Variants in TLN2 observed in about 807,000 individuals in gnomAD.
TLN2 encodes talin-2.
A neutral mutation model predicts 294.7 loss-of-function variants in TLN2; 118 were observed. That is an observed-to-expected ratio of 0.40 (90% confidence interval 0.34 to 0.47). TLN2 has a LOEUF of 0.47. Among genes scored for constraint, TLN2 ranks in the 20% least tolerant of loss-of-function variants. The pLI, the probability that TLN2 is intolerant of heterozygous loss-of-function variation, is 0.84. For missense variants in TLN2, 3,083 were observed against 3,282.2 expected, an observed-to-expected ratio of 0.94 and a Z score of 1.48; for synonymous variants, 1,431 against 1,304.5, an observed-to-expected ratio of 1.10 and a Z score of -2.09.
chr15:62,568,182 G>A (rs1012132101), intron 1 of TLN2, among the ~76,000 whole-genome samples: 4 of 152,160 alleles, frequency 2.6e-5, no homozygotes, highest in Non-Finnish European at 4.4e-5. Flanking sequence ...TTGTCCCAGT[G>A]TGGCTGGGGC....
chr15:62,765,121 T>C (rs1383842046), intron 40 of TLN2, among the ~76,000 whole-genome samples: 1 of 151,570 alleles, frequency 6.6e-6, no homozygotes, highest in South Asian at 2.1e-4. Flanking sequence ...TTTAATTGCA[T>C]GTGCTCCCTG....
intron 3 of TLN2, among the ~76,000 whole-genome samples, chr15:62,629,624 T>C (rs1021194415): frequency 1.3e-5 from 2 of 152,224 alleles, no homozygotes; most frequent in Admixed American, 6.5e-5. Flanking sequence ...GGCTAAGCCA[T>C]GAGCCCTTGG....
intron 51 of TLN2, among the ~76,000 whole-genome samples, chr15:62,807,095 C>G (rs560066320): frequency 6.6e-6 from 1 of 152,212 alleles, no homozygotes; most frequent in East Asian, 1.9e-4. Context: ...ATTCCGCTTT[C>G]ACACAGGACG....
intron 6 of TLN2, among the ~76,000 whole-genome samples, 191 bp from the exon 7 acceptor site, chr15:62,652,971 T>C (rs1403282823): frequency 6.6e-6 from 1 of 152,086 alleles, no homozygotes; most frequent in Non-Finnish European, 1.5e-5. Flanking sequence ...TCCCCCACAG[T>C]GTGAATATGA....
intron 1 of TLN2, among the ~76,000 whole-genome samples, chr15:62,486,891 G>A (rs2038428613): frequency 6.6e-6 from 1 of 151,712 alleles, no homozygotes; most frequent in South Asian, 2.1e-4. Context: ...TTCGATACAG[G>A]TAGAAGGGCT....
Position 62,738,180 on chromosome 15 carries a change from ACTTAAAGGTG to A in TLN2, c.3568-30_3568-21del. On this transcript the variant is annotated intron_variant, in intron 29 of 58. Coordinates refer to ENST00000636159, the MANE Select transcript of TLN2 (RefSeq NM_015059.3). Reference sequence around the variant, plus strand: ...CCAACAAATGTGCAGAAATGTTTGTACTTAAAGGTGCTTCTCTCTCTCCACGAATTCAGGT... The same window carrying A: ...CCAACAAATGTGCAGAAATGTTTGTACTTCTCTCTCTCCACGAATTCAGGT... 3.7e-6 allele frequency: 6 copies of A among 1,610,664 alleles called. No individual in the cohort carries two copies. In the Middle Eastern group the frequency reaches 9.9e-4, roughly 267 times the overall value.
chr15:62,743,157 A>G (rs79585935), intron 32 of TLN2, among the ~76,000 whole-genome samples: 1,984 of 152,254 alleles, frequency 0.013, 36 homozygotes, highest in African/African-American at 0.044. Context: ...ATAAAAGTGC[A>G]CAGGAAGCTG....
At chr15:62,437,459 G>T (rs1054424868) in intron 1 of TLN2, among the ~76,000 whole-genome samples, 4 of 151,914 alleles carry the variant, frequency 2.6e-5, no homozygotes, top group Admixed American at 1.3e-4. Flanking sequence ...TGCCCAGGCT[G>T]GTCGTGAACT....
chr15:62,439,976 A>C (rs770530677), intron 1 of TLN2, among the ~76,000 whole-genome samples: 4 of 152,168 alleles, frequency 2.6e-5, no homozygotes, highest in Admixed American at 6.5e-5. Flanking sequence ...GATACCATGC[A>C]AGGCAGGACT....
chr15:62,691,755 C>T (rs1229044051), intron 12 of TLN2, among the ~76,000 whole-genome samples: 2 of 151,938 alleles, frequency 1.3e-5, no homozygotes, highest in Non-Finnish European at 2.9e-5. Flanking sequence ...GATCATAGCT[C>T]ACCTCCTGGG....
At chr15:62,542,046 C>A (rs923404568) in intron 1 of TLN2, among the ~76,000 whole-genome samples, 11 of 151,840 alleles carry the variant, frequency 7.2e-5, no homozygotes, top group African/African-American at 2.4e-4. Flanking sequence ...TCGTTAAGTG[C>A]CAGACATTAT....
rs893012096 is a variant in TLN2, at chr15:62,558,979, T to G, written c.-237-30708T>G. ...GCAGAGAAGCTTTCCTGCATTTGCT[T>G]CTTCTTAATTGTCTTCAGCCCAATA... On this transcript the variant is annotated intron_variant, in intron 1 of 58. Transcript: ENST00000636159. Among the ~76,000 whole-genome samples, 18 of 152,334 alleles carry G rather than the reference T, an allele frequency of 1.2e-4. No homozygotes were observed. The Middle Eastern group carries it at 0.01, about 86-fold the overall frequency.
intron 1 of TLN2, among the ~76,000 whole-genome samples, chr15:62,404,574 CCTCTT>C (rs1466666309): frequency 6.6e-6 from 1 of 152,234 alleles, no homozygotes; most frequent in South Asian, 2.1e-4. Context: ...AATTAAATCT[CCTCTT>C]CTTTCTTCAT....
intron 1 of TLN2, among the ~76,000 whole-genome samples, chr15:62,538,339 A>C (rs557304427): frequency 6.6e-6 from 1 of 152,330 alleles, no homozygotes; most frequent in Admixed American, 6.5e-5. Flanking sequence ...TTGGATATTA[A>C]GCACCTACAC....
At chr15:62,754,616 C>T (rs182280328) in intron 36 of TLN2, 1 of 152,478 alleles carries the variant, frequency 6.6e-6, no homozygotes, top group East Asian at 1.9e-4. Flanking sequence ...TGCCCACCAT[C>T]AACCTGGGGC....
intron 1 of TLN2, among the ~76,000 whole-genome samples, chr15:62,487,365 C>A (rs2038457125): frequency 6.6e-6 from 1 of 152,196 alleles, no homozygotes; most frequent in Non-Finnish European, 1.5e-5. Context: ...AGGTATGCTT[C>A]TTAGAGCTCT....
At chr15:62,484,050 T>C (rs1409353367) in intron 1 of TLN2, among the ~76,000 whole-genome samples, 3 of 152,150 alleles carry the variant, frequency 2.0e-5, no homozygotes, top group Non-Finnish European at 4.4e-5. Context: ...CTGCCCCCAG[T>C]TTACTGTCCA....
chr15:62,633,185 C>T (rs1216394267), intron 3 of TLN2, among the ~76,000 whole-genome samples: 3 of 152,130 alleles, frequency 2.0e-5, no homozygotes, highest in Admixed American at 2.0e-4. Context: ...GCAGATATGC[C>T]CTGGTTAGAG....
At chr15:62,565,052 T>G (rs2043286964) in intron 1 of TLN2, among the ~76,000 whole-genome samples, 2 of 151,946 alleles carry the variant, frequency 1.3e-5, no homozygotes, top group South Asian at 4.2e-4. Context: ...GCTGCTAATT[T>G]GTGCTTGTCT....
Sources: gnomAD v4.1 joint callset for allele counts (sites outside exome capture counted in the v4.1 genomes callset) on GRCh38, gnomAD v4.1.1 for gene constraint, MANE v1.5 for transcripts, NCBI Gene and HGNC (gene_info 2026-07-23, HGNC 2026-07-21) for gene names.